Variants in DCAF10 observed in about 807,000 individuals in gnomAD.
The protein encoded by DCAF10 is DDB1- and CUL4-associated factor 10.
In DCAF10, 19 loss-of-function variants were observed where a neutral mutation model predicts 51.9. The observed-to-expected ratio is 0.37, with a 90% confidence interval of 0.26 to 0.54. DCAF10 has a LOEUF of 0.54. Among genes scored for constraint, DCAF10 ranks in the 20% least tolerant of loss-of-function variants. The probability of loss-of-function intolerance (pLI) is 0.87; values close to 1 mark genes in which losing one functional copy is unlikely to be tolerated. For missense variants in DCAF10, 510 were observed against 730.6 expected, an observed-to-expected ratio of 0.70 and a Z score of 3.48; for synonymous variants, 291 against 297.1, an observed-to-expected ratio of 0.98 and a Z score of 0.21.
intron 1 of DCAF10, among the ~76,000 whole-genome samples, chr9:37,808,508 ATATT>A (rs1829197332): frequency 8.7e-6 from 1 of 115,236 alleles, no homozygotes; most frequent in South Asian, 2.2e-4. Context: ...TATAAAACAT[ATATT>A]TATATAATAT....
At chr9:37,822,189 G>A (rs561227618) in intron 2 of DCAF10, among the ~76,000 whole-genome samples, 238 of 152,102 alleles carry the variant, frequency 1.6e-3, no homozygotes, top group Middle Eastern at 0.01. Flanking sequence ...TAGTACAGCC[G>A]CTATGGAAAA....
intron 2 of DCAF10, among the ~76,000 whole-genome samples, chr9:37,835,096 A>G (rs866208675): frequency 2.6e-5 from 4 of 152,140 alleles, no homozygotes; most frequent in East Asian, 3.9e-4. Flanking sequence ...TCAGTCACAT[A>G]ATTTCTGTCA....
intron 2 of DCAF10, among the ~76,000 whole-genome samples, chr9:37,820,272 C>G (rs1045006928): frequency 6.6e-6 from 1 of 152,106 alleles, no homozygotes; most frequent in African/African-American, 2.4e-5. Flanking sequence ...ACATAAACAT[C>G]TTTGTGGGCC....
intron 3 of DCAF10, among the ~76,000 whole-genome samples, chr9:37,851,192 C>T (rs1315262396): frequency 1.3e-5 from 2 of 151,580 alleles, no homozygotes; most frequent in Non-Finnish European, 2.9e-5. Context: ...TGCAGTGAAC[C>T]GAGATTGTGC....
At chr9:37,825,530 C>A (rs1485732379) in intron 2 of DCAF10, among the ~76,000 whole-genome samples, 1 of 152,152 alleles carries the variant, frequency 6.6e-6, no homozygotes, top group Non-Finnish European at 1.5e-5. Context: ...GATGAGAACA[C>A]ATGGACACAT....
intron 3 of DCAF10, among the ~76,000 whole-genome samples, chr9:37,852,852 C>CTGT (rs1830704066): frequency 6.7e-6 from 1 of 148,872 alleles, no homozygotes; most frequent in African/African-American, 2.5e-5. Flanking sequence ...TGACAATTTA[C>CTGT]TGTTGTTATT....
Position 37,811,983 on chromosome 9 carries a change from T to C in DCAF10, c.540-7305T>C, listed in dbSNP as rs1589078774. On this transcript the variant is annotated intron_variant, in intron 1 of 6. Coordinates refer to ENST00000377724, the MANE Select transcript of DCAF10 (RefSeq NM_024345.5). ...AGTTGGATCTCTTGAGCTCAGGAGT[T>C]TGAGACCAGCCCGGCCAACATGGCA... 6.6e-5 allele frequency among the ~76,000 whole-genome samples: 10 copies of C among 152,068 alleles called. No homozygotes were observed. In the South Asian group the frequency reaches 2.1e-3, roughly 32 times the overall value.
intron 4 of DCAF10, among the ~76,000 whole-genome samples, chr9:37,856,999 A>G (rs1046008579): frequency 3.3e-5 from 5 of 152,284 alleles, no homozygotes; most frequent in East Asian, 1.9e-4. Context: ...AGACGCTCCT[A>G]TGATTATTTG....
At chr9:37,813,070 C>T (rs911990984) in intron 1 of DCAF10, among the ~76,000 whole-genome samples, 2 of 152,038 alleles carry the variant, frequency 1.3e-5, no homozygotes, top group African/African-American at 4.8e-5. Flanking sequence ...ATTTAACATA[C>T]TAAATAGCAT....
rs951760236 is a variant in DCAF10, at chr9:37,861,052, C to T, written c.1312-88C>T. The stretch of plus-strand genomic sequence containing the variant: ...TCTTGTAAAAATTCTGTGGCTTTGG[C>T]AATCTGTTGAGCTTTTTAAAAATAA... On this transcript the variant is annotated intron_variant, in intron 6 of 6. Coordinates refer to ENST00000377724, the MANE Select transcript of DCAF10 (RefSeq NM_024345.5). This position sits in a 1 kb window ranked among gnomAD's most constrained non-coding sequence, Gnocchi z 4.9. 13 of 1,480,356 alleles carry T rather than the reference C, an allele frequency of 8.8e-6. No homozygotes were observed. In the East Asian group the frequency reaches 3.0e-4, roughly 34 times the overall value. The allele number at this position is 1,480,356 out of a possible 1,614,324, so 91.7% of individuals were successfully genotyped here. A position where few individuals can be genotyped will look rare whatever the true frequency, so the allele number is the denominator to read the frequency against.
intron 5 of DCAF10, among the ~76,000 whole-genome samples, chr9:37,858,313 C>G (rs935773266): frequency 5.3e-5 from 8 of 152,068 alleles, no homozygotes; most frequent in African/African-American, 1.7e-4. Flanking sequence ...AGATTTATGC[C>G]CAGAAGTATA....
chr9:37,825,758 C>T (rs1384579772), intron 2 of DCAF10, among the ~76,000 whole-genome samples: 1 of 152,182 alleles, frequency 6.6e-6, no homozygotes, highest in Non-Finnish European at 1.5e-5. Flanking sequence ...GTGGCTTATG[C>T]CTGTAATCCC....
intron 2 of DCAF10, among the ~76,000 whole-genome samples, chr9:37,823,773 T>C (rs1829774072): frequency 6.6e-6 from 1 of 152,100 alleles, no homozygotes; most frequent in Non-Finnish European, 1.5e-5. Context: ...CAAAATATTA[T>C]CATTTCAACA....
intron 2 of DCAF10, among the ~76,000 whole-genome samples, chr9:37,840,129 A>T (rs1417614421): frequency 6.6e-6 from 1 of 152,246 alleles, no homozygotes; most frequent in Non-Finnish European, 1.5e-5. Context: ...TATATGCCAC[A>T]TAACAACATT....
intron 3 of DCAF10, among the ~76,000 whole-genome samples, chr9:37,849,464 G>A (rs1234340431): frequency 6.6e-6 from 1 of 152,164 alleles, no homozygotes; most frequent in African/African-American, 2.4e-5. Flanking sequence ...GAACCAGGCA[G>A]TGGTCAGGCA....
intron 3 of DCAF10, among the ~76,000 whole-genome samples, chr9:37,848,207 A>G (rs987872143): frequency 5.3e-5 from 8 of 152,242 alleles, no homozygotes; most frequent in African/African-American, 9.6e-5. Flanking sequence ...TGATCCACCA[A>G]TTCCACTCCT....
At chr9:37,848,337 A>G (rs890009307) in intron 3 of DCAF10, among the ~76,000 whole-genome samples, 11 of 152,240 alleles carry the variant, frequency 7.2e-5, no homozygotes, top group African/African-American at 2.7e-4. Context: ...CAAGTGGTAA[A>G]TAGATAAACA....
At chr9:37,803,449 A>G (rs1033556167) in intron 1 of DCAF10, among the ~76,000 whole-genome samples, 1 of 151,934 alleles carries the variant, frequency 6.6e-6, no homozygotes, top group Admixed American at 6.6e-5. Context: ...CCCTAGAATG[A>G]GTTATTGTTA....
At chr9:37,850,866 AT>A (rs1830625695) in intron 3 of DCAF10, among the ~76,000 whole-genome samples, 65 of 80,840 alleles carry the variant, frequency 8.0e-4, no homozygotes, top group Admixed American at 1.6e-3. Context: ...ATATATATAT[AT>A]ATATATATAT....
Sources: allele counts gnomAD v4.1 joint callset (sites outside exome capture counted in the v4.1 genomes callset), GRCh38; gene constraint gnomAD v4.1.1; non-coding constraint Gnocchi (gnomAD v3.1); transcripts MANE v1.5; gene names NCBI Gene and HGNC (gene_info 2026-07-23, HGNC 2026-07-21).